Variants in MYO7A observed in about 807,000 individuals in gnomAD.
The protein encoded by MYO7A is unconventional myosin-VIIa.
A neutral mutation model predicts 263.8 loss-of-function variants in MYO7A; 210 were observed. That is an observed-to-expected ratio of 0.80 (90% CI 0.71 to 0.89). MYO7A has a LOEUF of 0.89. Ranked by LOEUF, MYO7A falls within the 40% of genes least tolerant of loss-of-function variation. The pLI is 0.00. For synonymous variants in MYO7A, 1,239 were observed against 1,197.3 expected (o/e 1.03, Z -0.72); for missense variants, 2,820 against 2,968.3 (o/e 0.95, Z 1.16).
intron 15 of MYO7A, 116 bp from the exon 16 acceptor site, chr11:77,172,632 C>CCTG: frequency 3.7e-6 from 5 of 1,350,482 alleles, no homozygotes; most frequent in Non-Finnish European, 5.1e-6. Context: ...CAAATACCGC[C>CCTG]CTGTCCCTCA....
In MYO7A at chr11:77,193,092, GTGGAGGTAGTGATGC is replaced by G. The variant is rs1421634762; in HGVS notation, c.4152+817_4152+831del. On this transcript the variant is annotated intron_variant, in intron 31 of 48. Coordinates refer to ENST00000409709, the MANE Select transcript of MYO7A (RefSeq NM_000260.4). ...ATGGTGGAGGTAGTTGTTTGTGATG[GTGGAGGTAGTGATGC>G]TGTTGGTGATGGTGGAGGTAGCGAT... Among the ~76,000 whole-genome samples the G allele has an allele frequency of 9.5e-4, 104 of 108,954 alleles. 7 individuals carry two copies. The highest frequency in any genetic ancestry group is 4.0e-3 in the African/African-American group (99 of 24,908). 71.5% of individuals were successfully genotyped at this position (108,954 alleles called of 152,430 possible). A position where few individuals can be genotyped will look rare whatever the true frequency, so the allele number is the denominator to read the frequency against.
intron 27 of MYO7A, among the ~76,000 whole-genome samples, chr11:77,188,927 C>A (rs1955827460): frequency 6.6e-6 from 1 of 152,208 alleles, no homozygotes; most frequent in African/African-American, 2.4e-5. Flanking sequence ...GAAGTTGCAC[C>A]TGCTGCCGTG....
chr11:77,211,760 C>T, intron 45 of MYO7A, 61 bp from the exon 46 acceptor site: 1 of 1,365,742 alleles, frequency 7.3e-7, no homozygotes, highest in Non-Finnish European at 1.0e-6. Flanking sequence ...TCTGAGCTGG[C>T]CTGCCCTGAG....
chr11:77,214,057 A>G, intron 48 of MYO7A, 78 bp downstream of exon 48: 1 of 1,590,454 alleles, frequency 6.3e-7, no homozygotes, highest in South Asian at 1.1e-5. Context: ...GCCTGGAACA[A>G]ACACAGTAGT....
intron 4 of MYO7A, among the ~76,000 whole-genome samples, chr11:77,151,401 A>G (rs367904281): frequency 6.6e-6 from 1 of 152,178 alleles, no homozygotes; most frequent in South Asian, 2.1e-4. Flanking sequence ...TTGTGGCTGT[A>G]GGAAGACTTG....
chr11:77,167,281 G>A (rs1482615629), intron 15 of MYO7A, among the ~76,000 whole-genome samples: 6 of 152,104 alleles, frequency 3.9e-5, no homozygotes, highest in South Asian at 2.1e-4. Context: ...GTGGGGACTC[G>A]AACGCAGGTC....
At chr11:77,167,296 A>G (rs551064913) in intron 15 of MYO7A, among the ~76,000 whole-genome samples, 13 of 152,218 alleles carry the variant, frequency 8.5e-5, no homozygotes, top group African/African-American at 3.1e-4. Context: ...CAGGTCTCCT[A>G]AGGCCCCTTG....
At chr11:77,150,201 T>C (rs1315754877) in intron 4 of MYO7A, among the ~76,000 whole-genome samples, 1 of 152,168 alleles carries the variant, frequency 6.6e-6, no homozygotes, top group Non-Finnish European at 1.5e-5. Context: ...CTGGGTAAAA[T>C]GGAAGTTTTC....
At chr11:77,152,059 A>G (rs1442553410) in intron 4 of MYO7A, among the ~76,000 whole-genome samples, 1 of 152,196 alleles carries the variant, frequency 6.6e-6, no homozygotes, top group Non-Finnish European at 1.5e-5. Flanking sequence ...CTGAGGAAGT[A>G]AAAGGGGTGA....
intron 2 of MYO7A, among the ~76,000 whole-genome samples, chr11:77,140,282 T>C (rs1046963871): frequency 5.9e-5 from 9 of 152,206 alleles, no homozygotes; most frequent in Middle Eastern, 3.2e-3. Context: ...TTCAGGGCCC[T>C]TGAGCCATCT....
intron 36 of MYO7A, among the ~76,000 whole-genome samples, 153 bp from the exon 37 acceptor site, chr11:77,202,147 A>G (rs984907625): frequency 6.6e-6 from 1 of 152,092 alleles, no homozygotes; most frequent in African/African-American, 2.4e-5. Flanking sequence ...CAGAGACCCC[A>G]AGGAGGAACG....
rs1245049756 is a variant in MYO7A, at chr11:77,208,709, C to T, written c.5957C>T (p.Ser1986Leu). Residue 1986 changes from serine to leucine, a missense_variant, in exon 44 of 49, where the codon TCA becomes TTA. Transcript: ENST00000409709. The part of the protein sequence containing the change: ...ARPIKDGIVP[S>L]LTYQVFFMKK... Reference sequence around the variant, plus strand: ...CCCTGTGCTGCAGGAATTGTGCCCTCACTCACCTACCAGGTGTTCTTCATG... The same window carrying T: ...CCCTGTGCTGCAGGAATTGTGCCCTTACTCACCTACCAGGTGTTCTTCATG... 1.3e-6 allele frequency: 2 copies of T among 1,584,622 alleles called. No individual in the cohort carries two copies. Among genetic ancestry groups the T allele is most frequent in the African/African-American group, 1.3e-5 (1 of 74,222 alleles).
intron 31 of MYO7A, 137 bp downstream of exon 31, chr11:77,192,415 G>A: frequency 1.2e-6 from 1 of 858,384 alleles, no homozygotes; most frequent in Non-Finnish European, 1.9e-6. Flanking sequence ...CACTCTTCAG[G>A]CTCCTGGATG....
intron 16 of MYO7A, 112 bp from the exon 17 acceptor site, chr11:77,174,644 T>G (rs1591348893): frequency 8.8e-7 from 1 of 1,133,812 alleles, no homozygotes; most frequent in East Asian, 2.6e-5. Flanking sequence ...GCTCCTCCCA[T>G]GCCGTGTGGA....
At position 77,214,779 on chromosome 11, in the gene MYO7A, G is replaced by C. The variant is rs1958052344; in HGVS notation, c.*83G>C. 1.5e-5 allele frequency: 18 copies of C among 1,167,268 alleles called. No individual in the cohort carries two copies. The highest frequency in any genetic ancestry group is 2.2e-5 in the Non-Finnish European group (18 of 811,268). 72.3% of individuals were successfully genotyped at this position (1,167,268 alleles called of 1,614,324 possible). On this transcript the variant is annotated 3_prime_UTR_variant, in exon 49 of 49. Transcript: ENST00000409709. ...CCCATCAGCTACCCCTGCAGCTGGGGAAGACTTATGCCATCCCGGCAGCGA... is the reference window on the plus strand; with the variant it reads ...CCCATCAGCTACCCCTGCAGCTGGGCAAGACTTATGCCATCCCGGCAGCGA...
intron 47 of MYO7A, 41 bp from the exon 48 acceptor site, chr11:77,213,819 G>A (rs778728011): frequency 3.1e-6 from 5 of 1,613,614 alleles, no homozygotes; most frequent in Admixed American, 1.7e-5. Flanking sequence ...GAGGCCACAG[G>A]GCCCAGGCCG....
rs143216377 is a variant in MYO7A at position 77,194,346 on chromosome 11, C to G, written c.4153-8C>G. On this transcript the variant is annotated splice_polypyrimidine_tract_variant and splice_region_variant and intron_variant, in intron 31 of 48. Coordinates refer to ENST00000409709, the MANE Select transcript of MYO7A (RefSeq NM_000260.4). Reference sequence around the variant, plus strand: ...GCCAATGCATGACCGAGGCCTCCCCCCACCTAGGAGGACGACCTGGCTGAG... The same window carrying G: ...GCCAATGCATGACCGAGGCCTCCCCGCACCTAGGAGGACGACCTGGCTGAG... 1.0e-4 allele frequency: 161 copies of G among 1,609,776 alleles called. No individual in the cohort carries two copies. In the African/African-American group the frequency reaches 1.9e-3, roughly 19 times the overall value.
At position 77,190,155 on chromosome 11, in the gene MYO7A, T is replaced by C. The variant is rs554018323; in HGVS notation, c.3750+16T>C. On this transcript the variant is annotated intron_variant, in intron 29 of 48. Coordinates refer to ENST00000409709, the MANE Select transcript of MYO7A (RefSeq NM_000260.4). ...GGAGCTGCAGGTTCGTGCGTGTGTA[T>C]GCACGTGCTCGTGTGCATGTGTGCG... 6.5e-7 allele frequency: 1 copy of C among 1,545,886 alleles called. No homozygotes were observed.
At chr11:77,198,701 G>A (rs1268755159) in intron 34 of MYO7A, 80 bp downstream of exon 34, 1 of 1,580,762 alleles carries the variant, frequency 6.3e-7, no homozygotes, top group Non-Finnish European at 8.6e-7. Context: ...CACAGGAAGT[G>A]AAGAGGCATG....
Sources: allele counts gnomAD v4.1 joint callset (sites outside exome capture counted in the v4.1 genomes callset), GRCh38; gene constraint gnomAD v4.1.1; transcripts MANE v1.5; gene names NCBI Gene and HGNC (gene_info 2026-07-23, HGNC 2026-07-21).